The following PDIA6 variants were observed in gnomAD, a reference collection of about 807,000 sequenced individuals.
PDIA6 encodes the protein protein disulfide isomerase family A member 6.
PDIA6 carries 29 observed loss-of-function variants against 58.4 expected under a neutral mutation model. That is an observed-to-expected ratio of 0.50 (90% CI 0.37 to 0.68). The LOEUF (loss-of-function observed/expected upper bound fraction) is 0.68. Ranked by LOEUF, PDIA6 falls within the 30% of genes least tolerant of loss-of-function variation. The probability of loss-of-function intolerance (pLI) is 0.00; values close to 1 mark genes in which losing one functional copy is unlikely to be tolerated. For synonymous variants in PDIA6, 192 were observed against 202.6 expected (o/e 0.95, Z 0.44); for missense variants, 480 against 551.0 (o/e 0.87, Z 1.29).
upstream of PDIA6, among the ~76,000 whole-genome samples, chr2:10,816,522 C>CTTTTTTTTTTTT (rs772701227): frequency 2.1e-4 from 29 of 138,234 alleles, no homozygotes; most frequent in African/African-American, 5.6e-4. Flanking sequence ...CCTTTTTGTG[C>CTTTTTTTTTTTT]TTTCTTTTTT....
rs756200816 is a variant in PDIA6, at chr2:10,785,033, T to G, written c.1158-3A>C. ...AGCCACGCCCAAAAGAGAGCTCCCT[T>G]AGGGAAAAATGACCAAAACACACAC... is the stretch of plus-strand genomic sequence containing the variant. On this transcript the variant is annotated splice_polypyrimidine_tract_variant and splice_region_variant and intron_variant, in intron 11 of 12. Transcript: ENST00000272227. 1 of 1,564,422 alleles carries G rather than the reference T, an allele frequency of 6.4e-7. No homozygotes were observed.
intron 4 of PDIA6, among the ~76,000 whole-genome samples, chr2:10,794,213 A>G (rs1371709529): frequency 6.6e-6 from 1 of 151,992 alleles, no homozygotes; most frequent in African/African-American, 2.4e-5. Context: ...TGGGAGGCAG[A>G]GGCACGTGGA....
intron 1 of PDIA6, chr2:10,819,437 G>A (rs538550462): frequency 1.2e-5 from 10 of 820,682 alleles, no homozygotes; most frequent in South Asian, 3.1e-5. Flanking sequence ...CAGGCTCCAC[G>A]TATTTACATC....
upstream of PDIA6, chr2:10,837,459 C>T (rs76076331): frequency 0.11 from 75,875 of 671,438 alleles, 5,392 homozygotes; most frequent in Non-Finnish European, 0.14. Context: ...TAAGATGAAG[C>T]CAGGGAGAGG....
intron 1 of PDIA6, among the ~76,000 whole-genome samples, chr2:10,830,894 G>A (rs979569287): frequency 1.3e-5 from 2 of 152,154 alleles, no homozygotes; most frequent in African/African-American, 4.8e-5. Context: ...GTCTCCTTGG[G>A]CGCTTGGCCA....
At chr2:10,785,120 T>A in intron 11 of PDIA6, 90 bp from the exon 12 acceptor site, 1 of 888,030 alleles carries the variant, frequency 1.1e-6, no homozygotes, top group Non-Finnish European at 1.8e-6. Flanking sequence ...ACAGTCTGCC[T>A]ACTTTGTTTA....
chr2:10,810,190 G>T, intron 1 of PDIA6: 1 of 884,386 alleles, frequency 1.1e-6, no homozygotes, highest in Non-Finnish European at 1.8e-6. Flanking sequence ...TATGTGTCAT[G>T]GTGCCCATTA....
At chr2:10,815,262 G>A (rs1370055487), upstream of PDIA6, among the ~76,000 whole-genome samples, 1 of 152,110 alleles carries the variant, frequency 6.6e-6, no homozygotes, top group Non-Finnish European at 1.5e-5. Flanking sequence ...AAAACCAAAT[G>A]CACATTAACA....
intron 2 of PDIA6, among the ~76,000 whole-genome samples, chr2:10,801,991 G>A (rs923024920): frequency 3.9e-5 from 6 of 152,122 alleles, no homozygotes; most frequent in Admixed American, 6.5e-5. Flanking sequence ...ATCTTGCACA[G>A]TTTCCACTCT....
At chr2:10,788,455 A>G (rs1460482953) in intron 10 of PDIA6, among the ~76,000 whole-genome samples, 1 of 152,068 alleles carries the variant, frequency 6.6e-6, no homozygotes, top group East Asian at 1.9e-4. Context: ...AGGAGTTTTG[A>G]GACCAGCCTA....
chr2:10,804,597 A>G (rs1358422451), intron 1 of PDIA6, among the ~76,000 whole-genome samples: 1 of 134,396 alleles, frequency 7.4e-6, no homozygotes, highest in East Asian at 2.1e-4. Flanking sequence ...GTTTGAAGTC[A>G]GGTAGTGTGA....
chr2:10,837,566 C>T (rs1345644380), exon 1 of PDIA6: 3 of 781,246 alleles, frequency 3.8e-6, no homozygotes, highest in African/African-American at 3.4e-5. Flanking sequence ...TCATTTGATC[C>T]TCGGGACACT....
At chr2:10,813,868 G>T (rs7570179), upstream of PDIA6, among the ~76,000 whole-genome samples, 20,395 of 149,770 alleles carry the variant, frequency 0.14, 1,940 homozygotes, top group African/African-American at 0.25. Context: ...GGGATGACAG[G>T]TGCATGTCAC....
At chr2:10,836,869 G>T (rs2148587329), upstream of PDIA6, among the ~76,000 whole-genome samples, 1 of 152,250 alleles carries the variant, frequency 6.6e-6, no homozygotes, top group East Asian at 1.9e-4. Context: ...GGGTTATGGG[G>T]ACTCCTTGGG....
At chr2:10,826,423 A>G (rs753577890) in intron 1 of PDIA6, among the ~76,000 whole-genome samples, 6 of 151,996 alleles carry the variant, frequency 3.9e-5, no homozygotes, top group Non-Finnish European at 7.4e-5. Context: ...GCAATGGCGC[A>G]GTCTTGGCTC....
chr2:10,793,000 C>A (rs542737114), intron 5 of PDIA6, 96 bp downstream of exon 5: 2 of 800,886 alleles, frequency 2.5e-6, no homozygotes, highest in Non-Finnish European at 4.3e-6. Context: ...GAGTTCACCA[C>A]TTTAACATAC....
chr2:10,786,153 T>G (rs935019063), intron 11 of PDIA6, among the ~76,000 whole-genome samples: 5 of 151,998 alleles, frequency 3.3e-5, no homozygotes, highest in Non-Finnish European at 7.4e-5. Flanking sequence ...TGAAAACCCA[T>G]CTCTACTAAA....
chr2:10,808,503 C>T (rs1558453614), intron 1 of PDIA6, among the ~76,000 whole-genome samples: 1 of 152,090 alleles, frequency 6.6e-6, no homozygotes, highest in Non-Finnish European at 1.5e-5. Flanking sequence ...TGGGAGTGAT[C>T]TAGGAGAGGA....
intron 4 of PDIA6, among the ~76,000 whole-genome samples, chr2:10,794,784 G>A (rs985773139): frequency 7.2e-5 from 11 of 151,820 alleles, no homozygotes; most frequent in South Asian, 4.2e-4. Context: ...ACAATTAGCC[G>A]GGTGTAGTGG....
Sources: allele counts gnomAD v4.1 joint callset (sites outside exome capture counted in the v4.1 genomes callset), GRCh38; gene constraint gnomAD v4.1.1; transcripts MANE v1.5; gene names NCBI Gene and HGNC (gene_info 2026-07-23, HGNC 2026-07-21).